Variants in PGAP1 observed in about 807,000 individuals in gnomAD.
PGAP1 encodes the protein GPI inositol-deacylase.
A neutral mutation model predicts 127.0 loss-of-function variants in PGAP1; 76 were observed. That is an observed-to-expected ratio of 0.60 (90% CI 0.50 to 0.72). The LOEUF is 0.72. Among genes scored for constraint, PGAP1 ranks in the 30% least tolerant of loss-of-function variants. The pLI is 0.00. For synonymous variants in PGAP1, 362 were observed against 366.5 expected (o/e 0.99, Z 0.14); for missense variants, 982 against 1,071.3 (o/e 0.92, Z 1.16).
intron 7 of PGAP1, among the ~76,000 whole-genome samples, chr2:196,893,883 A>G (rs2125820201): frequency 6.6e-6 from 1 of 152,348 alleles, no homozygotes; most frequent in South Asian, 2.1e-4. Context: ...GGTATTGACC[A>G]TTATTCAACT....
At chr2:196,913,360 TG>T (rs929949371) in intron 3 of PGAP1, among the ~76,000 whole-genome samples, 2 of 152,232 alleles carry the variant, frequency 1.3e-5, no homozygotes, top group African/African-American at 4.8e-5. Flanking sequence ...TAATTATATT[TG>T]GTATATACCA....
intron 26 of PGAP1, among the ~76,000 whole-genome samples, chr2:196,841,796 C>T (rs969886624): frequency 3.3e-5 from 5 of 152,096 alleles, no homozygotes; most frequent in Admixed American, 2.0e-4. Context: ...GGATTACAGG[C>T]GTGAGCCACC....
chr2:196,883,730 T>C (rs921861528), intron 12 of PGAP1, among the ~76,000 whole-genome samples: 2 of 152,252 alleles, frequency 1.3e-5, no homozygotes, highest in African/African-American at 4.8e-5. Context: ...GAGATATTAA[T>C]ATGAATAAAA....
chr2:196,857,901 T>G (rs759184985), intron 20 of PGAP1, among the ~76,000 whole-genome samples: 1 of 152,180 alleles, frequency 6.6e-6, no homozygotes, highest in East Asian at 1.9e-4. Flanking sequence ...TCCTTCAGCA[T>G]CCTTTGTCTT....
At chr2:196,902,807 A>G in intron 4 of PGAP1, 65 bp from the exon 5 acceptor site, 1 of 1,178,414 alleles carries the variant, frequency 8.5e-7, no homozygotes, top group South Asian at 1.6e-5. Context: ...TAAGATATCT[A>G]TACAGTAATA....
chr2:196,876,322 A>T (rs1701568617), intron 13 of PGAP1, among the ~76,000 whole-genome samples: 1 of 152,112 alleles, frequency 6.6e-6, no homozygotes, highest in Non-Finnish European at 1.5e-5. Flanking sequence ...CCATTCATTG[A>T]CACATGGCTA....
At chr2:196,896,368 T>C (rs1027758754) in intron 7 of PGAP1, among the ~76,000 whole-genome samples, 1 of 152,096 alleles carries the variant, frequency 6.6e-6, no homozygotes, top group South Asian at 2.1e-4. Context: ...AAATGTTTAA[T>C]AAACTCAGGA....
rs1298238114 is a variant in PGAP1 at position 196,898,383 on chromosome 2, A to C, written c.808-14T>G. 1.9e-6 allele frequency: 3 copies of C among 1,594,954 alleles called. No homozygotes were observed. Among genetic ancestry groups the C allele is most frequent in the South Asian group, 1.1e-5 (1 of 88,926 alleles). On this transcript the variant is annotated splice_polypyrimidine_tract_variant and intron_variant, in intron 5 of 26. Coordinates refer to ENST00000354764, the MANE Select transcript of PGAP1 (RefSeq NM_024989.4). ...CACTGCTGAACTCTAAAAGAAAAGAAAAAAATAAACTTACGAAAAGCACAT... is the reference window on the plus strand; with the variant it reads ...CACTGCTGAACTCTAAAAGAAAAGACAAAAATAAACTTACGAAAAGCACAT...
At chr2:196,919,566 A>C (rs1703118688) in intron 2 of PGAP1, among the ~76,000 whole-genome samples, 1 of 152,206 alleles carries the variant, frequency 6.6e-6, no homozygotes, top group Non-Finnish European at 1.5e-5. Flanking sequence ...CAGTACTTCC[A>C]AATCTCTCTA....
intron 20 of PGAP1, among the ~76,000 whole-genome samples, chr2:196,861,886 G>A (rs1701077718): frequency 6.6e-6 from 1 of 151,188 alleles, no homozygotes; most frequent in South Asian, 2.1e-4. Flanking sequence ...TCCTAGGCCT[G>A]TCTTTACCTT....
chr2:196,864,557 A>T (rs183476087), intron 20 of PGAP1, among the ~76,000 whole-genome samples: 13 of 152,254 alleles, frequency 8.5e-5, no homozygotes, highest in Admixed American at 4.6e-4. Context: ...TATGTATTTT[A>T]AAAAATGACT....
chr2:196,904,117 G>T (rs1178114233), intron 4 of PGAP1, among the ~76,000 whole-genome samples: 2 of 152,028 alleles, frequency 1.3e-5, no homozygotes, highest in East Asian at 3.9e-4. Flanking sequence ...ATTTTTTTCT[G>T]CCTATCTTTA....
At chr2:196,922,579 C>CAG (rs1553606672) in intron 1 of PGAP1, 4 of 315,246 alleles carry the variant, frequency 1.3e-5, no homozygotes, top group African/African-American at 4.5e-5. Context: ...CACACACAGA[C>CAG]ACACACACAC....
In PGAP1 at chr2:196,899,417, T is replaced by C. The variant is rs141273853; in HGVS notation, c.808-1048A>G. The stretch of plus-strand genomic sequence containing the variant: ...GCTTACTTGATGAACTTGTAAGTAC[T>C]TGATATATTTAGAAATTACTGCTGA... On this transcript the variant is annotated intron_variant, in intron 5 of 26. Transcript: ENST00000354764. Among the ~76,000 whole-genome samples the C allele has an allele frequency of 1.1e-3, 163 of 152,350 alleles. No homozygotes were observed. The East Asian group carries it at 0.019, about 18-fold the overall frequency.
At chr2:196,867,300 A>G (rs1701274028) in intron 19 of PGAP1, among the ~76,000 whole-genome samples, 1 of 152,230 alleles carries the variant, frequency 6.6e-6, no homozygotes, top group Admixed American at 6.5e-5. Flanking sequence ...CAGCCATAAA[A>G]AAGGATGAGT....
At chr2:196,894,525 G>T (rs893343849) in intron 7 of PGAP1, among the ~76,000 whole-genome samples, 3 of 152,136 alleles carry the variant, frequency 2.0e-5, no homozygotes, top group Non-Finnish European at 4.4e-5. Context: ...ACTTTAGGCC[G>T]GGCGCAGTGG....
At chr2:196,922,365 C>T (rs1389211191) in intron 1 of PGAP1, 3 of 984,064 alleles carry the variant, frequency 3.0e-6, no homozygotes, top group Admixed American at 6.2e-5. Context: ...GATGAATACA[C>T]ATAGTTTTTA....
intron 12 of PGAP1, among the ~76,000 whole-genome samples, chr2:196,881,572 G>C (rs779567883): frequency 6.6e-6 from 1 of 152,282 alleles, no homozygotes; most frequent in East Asian, 1.9e-4. Flanking sequence ...TGACTGGTGC[G>C]AGATAGTATC....
At chr2:196,884,212 C>A (rs949398091) in intron 12 of PGAP1, among the ~76,000 whole-genome samples, 2 of 151,810 alleles carry the variant, frequency 1.3e-5, no homozygotes, top group African/African-American at 4.8e-5. Flanking sequence ...ACAATTCATC[C>A]ACGTAATAAA....
Sources: allele counts gnomAD v4.1 joint callset (sites outside exome capture counted in the v4.1 genomes callset), GRCh38; gene constraint gnomAD v4.1.1; transcripts MANE v1.5; gene names NCBI Gene and HGNC (gene_info 2026-07-23, HGNC 2026-07-21).